ROBO2: variants seen among roughly 807,000 people sequenced by gnomAD.
ROBO2 encodes roundabout homolog 2.
Under a neutral mutation model 160.8 loss-of-function variants are expected in ROBO2, and 53 were observed. The observed-to-expected ratio is 0.33, with a 90% confidence interval of 0.26 to 0.41. The LOEUF (loss-of-function observed/expected upper bound fraction) is 0.41. ROBO2 is among the 10% of genes least tolerant of loss of function. ROBO2 has a pLI of 1.00. For synonymous variants in ROBO2, 664 were observed against 611.7 expected (o/e 1.09, Z -1.26); for missense variants, 1,577 against 1,722.4 (o/e 0.92, Z 1.49).
intron 2 of ROBO2, among the ~76,000 whole-genome samples, chr3:76,353,208 T>G (rs551005726): frequency 2.1e-4 from 32 of 151,980 alleles, no homozygotes; most frequent in Non-Finnish European, 4.1e-4. Flanking sequence ...TGATATGATC[T>G]TTTTAGCCAT....
chr3:76,804,240 G>A (rs1336900910), intron 2 of ROBO2, among the ~76,000 whole-genome samples: 1 of 152,152 alleles, frequency 6.6e-6, no homozygotes, highest in Admixed American at 6.5e-5. Context: ...TTAGGGAAGG[G>A]AACCTTCTCT....
intron 1 of ROBO2, among the ~76,000 whole-genome samples, chr3:77,058,696 ATT>A (rs547180956): frequency 2.8e-5 from 4 of 142,480 alleles, no homozygotes; most frequent in African/African-American, 5.1e-5. Context: ...CACTTGGGTA[ATT>A]TTTTTTTTTT....
At chr3:76,954,441 C>T (rs76022313) in intron 2 of ROBO2, among the ~76,000 whole-genome samples, 5,378 of 152,274 alleles carry the variant, frequency 0.035, 315 homozygotes, top group African/African-American at 0.12. Flanking sequence ...GTCCAAGGAT[C>T]TACTCTAGTG....
chr3:76,292,174 G>A (rs1312585192), intron 2 of ROBO2, among the ~76,000 whole-genome samples: 3 of 152,232 alleles, frequency 2.0e-5, no homozygotes, highest in African/African-American at 7.2e-5. Context: ...GCTGTCCACA[G>A]CTCTCTGCAA....
chr3:77,306,549 G>A (rs1026158955), intron 2 of ROBO2, among the ~76,000 whole-genome samples: 2 of 152,080 alleles, frequency 1.3e-5, no homozygotes, highest in Admixed American at 1.3e-4. Context: ...TAAAAATCCT[G>A]TGTGACCCTG....
intron 2 of ROBO2, among the ~76,000 whole-genome samples, chr3:77,313,803 C>T (rs1376260322): frequency 6.6e-6 from 1 of 152,138 alleles, no homozygotes; most frequent in African/African-American, 2.4e-5. Context: ...ACGCTGGTCT[C>T]GAACTCCCGA....
intron 2 of ROBO2, among the ~76,000 whole-genome samples, chr3:76,640,741 C>A (rs982278256): frequency 6.6e-6 from 1 of 151,730 alleles, no homozygotes; most frequent in Admixed American, 6.6e-5. Flanking sequence ...TAAAAGGAAC[C>A]AGGGTTTCTT....
chr3:76,441,243 A>G (rs902515539), intron 2 of ROBO2, among the ~76,000 whole-genome samples: 1 of 152,202 alleles, frequency 6.6e-6, no homozygotes, highest in Non-Finnish European at 1.5e-5. Flanking sequence ...AAGTTATCGA[A>G]GAGTTTCTAA....
At chr3:76,515,864 T>C (rs908714673) in intron 2 of ROBO2, among the ~76,000 whole-genome samples, 3 of 152,158 alleles carry the variant, frequency 2.0e-5, no homozygotes, top group African/African-American at 7.2e-5. Flanking sequence ...CAAAGGAACA[T>C]GTATGGTCTC....
At chr3:76,643,102 G>A (rs2090784342) in intron 2 of ROBO2, among the ~76,000 whole-genome samples, 1 of 152,038 alleles carries the variant, frequency 6.6e-6, no homozygotes, top group Non-Finnish European at 1.5e-5. Flanking sequence ...TTTTATCATC[G>A]AAAATTGTTT....
chr3:76,423,041 G>A lies in ROBO2; in HGVS notation c.109+485439G>A, dbSNP rs57144974. ...TAGGAGAGGAGTTTGTCCTTTGAAA[G>A]GGGCCCATCAGTCCCACTGAAACAG... On this transcript the variant is annotated intron_variant, in intron 2 of 26. Coordinates refer to the ROBO2 transcript ENST00000487694. Among the ~76,000 whole-genome samples the A allele has an allele frequency of 6.0e-3, 906 of 152,260 alleles. 9 individuals are homozygous for A. The highest frequency in any genetic ancestry group is 0.021 in the African/African-American group (880 of 41,536).
rs1265522377 is a variant in ROBO2 at position 76,525,057 on chromosome 3, GT to G, written c.110-572953del. On this transcript the variant is annotated intron_variant, in intron 2 of 26. Coordinates refer to the ROBO2 transcript ENST00000487694. ...ATACTGAGGTGTAAACAAAACCGTT[GT>G]TTTGCTTTTATAGGTTTGCTTTTCT... Among the ~76,000 whole-genome samples, 3 of 151,416 alleles carry G rather than the reference GT, an allele frequency of 2.0e-5. No homozygotes were observed. The East Asian group carries it at 5.8e-4, about 29-fold the overall frequency.
chr3:76,694,119 C>T (rs2092874480), intron 2 of ROBO2, among the ~76,000 whole-genome samples: 2 of 152,210 alleles, frequency 1.3e-5, no homozygotes, highest in South Asian at 2.1e-4. Context: ...GCATCAGTGA[C>T]AGCATGCAGT....
At chr3:77,402,782 T>C (rs568797866) in intron 2 of ROBO2, among the ~76,000 whole-genome samples, 1 of 152,148 alleles carries the variant, frequency 6.6e-6, no homozygotes, top group South Asian at 2.1e-4. Flanking sequence ...ATGCAAGGCC[T>C]CAGAAGTACG....
chr3:77,206,465 A>C (rs541686539), intron 2 of ROBO2, among the ~76,000 whole-genome samples: 1 of 151,968 alleles, frequency 6.6e-6, no homozygotes, highest in South Asian at 2.1e-4. Flanking sequence ...CCGTGCCCAG[A>C]CCTTTCTTAC....
Position 77,070,548 on chromosome 3 carries a change from C to T in ROBO2, c.62-27466C>T, listed in dbSNP as rs564303216. Reference sequence around the variant, plus strand: ...GATCTTATTTCTAAATAAGGTCATACGATGGCATTGTGGATGGGCATGGAT... The same window carrying T: ...GATCTTATTTCTAAATAAGGTCATATGATGGCATTGTGGATGGGCATGGAT... On this transcript the variant is annotated intron_variant, in intron 1 of 25. Transcript: ENST00000461745. Among the ~76,000 whole-genome samples, 21 of 152,190 alleles carry T rather than the reference C, an allele frequency of 1.4e-4. 1 individual carries two copies. Among genetic ancestry groups the T allele is most frequent in the Middle Eastern group, 6.8e-3 (2 of 294 alleles).
At chr3:77,355,754 G>T (rs564163465) in intron 2 of ROBO2, among the ~76,000 whole-genome samples, 1 of 152,002 alleles carries the variant, frequency 6.6e-6, no homozygotes, top group African/African-American at 2.4e-5. Context: ...ATAACAAAAC[G>T]TGGAGAAAAA....
Position 77,351,816 on chromosome 3 carries a change from G to A in ROBO2, c.389-125598G>A, listed in dbSNP as rs186552258. Among the ~76,000 whole-genome samples the A allele has an allele frequency of 1.3e-3, 198 of 152,078 alleles. 1 individual carries two copies. In the Middle Eastern group the frequency reaches 0.017, roughly 13 times the overall value. On this transcript the variant is annotated intron_variant, in intron 2 of 25. Transcript: ENST00000461745. Reference sequence around the variant, plus strand: ...TATAATCTGGGGTCTCCAACAATAAGAGTCGCAGGTTTTTTTGTCCTTGCG... The same window carrying A: ...TATAATCTGGGGTCTCCAACAATAAAAGTCGCAGGTTTTTTTGTCCTTGCG...
At chr3:76,607,563 A>T (rs1186623968) in intron 2 of ROBO2, among the ~76,000 whole-genome samples, 2 of 152,228 alleles carry the variant, frequency 1.3e-5, no homozygotes, top group East Asian at 3.8e-4. Context: ...ACTTTCATAG[A>T]TGTGCATTAT....
Sources: allele counts gnomAD v4.1 joint callset (sites outside exome capture counted in the v4.1 genomes callset), GRCh38; gene constraint gnomAD v4.1.1; transcripts MANE v1.5; gene names NCBI Gene and HGNC (gene_info 2026-07-23, HGNC 2026-07-21).